LYRM4: variants seen among roughly 807,000 people sequenced by gnomAD.
The protein encoded by LYRM4 is LYR motif containing 4, also known as LYR motif-containing protein 4.
Under a neutral mutation model 11.7 loss-of-function variants are expected in LYRM4, and 9 were observed. The observed-to-expected ratio is 0.77, with a 90% CI of 0.46 to 1.34. The LOEUF (loss-of-function observed/expected upper bound fraction) is 1.34, where lower values mean the gene tolerates loss of function less well. Among genes scored for constraint, LYRM4 ranks in the 40% most tolerant of loss-of-function variants. The pLI is 0.00. For synonymous variants in LYRM4, 42 were observed against 40.4 expected (o/e 1.04, Z -0.15); for missense variants, 133 against 112.5 (o/e 1.18, Z -0.82).
At chr6:5,100,289 TC>T (rs1762459911), downstream of LYRM4, among the ~76,000 whole-genome samples, 1 of 152,148 alleles carries the variant, frequency 6.6e-6, no homozygotes, top group Non-Finnish European at 1.5e-5. Flanking sequence ...ATGGGGCCTC[TC>T]CAGGGCCTGG....
intron 2 of LYRM4, among the ~76,000 whole-genome samples, chr6:5,192,980 C>T (rs769441302): frequency 7.9e-5 from 12 of 152,230 alleles, no homozygotes; most frequent in Middle Eastern, 3.4e-3. Context: ...GCCAAGATCA[C>T]GCCACTGTAC....
At chr6:5,155,518 T>C (rs1758360173) in intron 2 of LYRM4, among the ~76,000 whole-genome samples, 1 of 152,224 alleles carries the variant, frequency 6.6e-6, no homozygotes, top group Admixed American at 6.5e-5. Flanking sequence ...CTTTCCATCA[T>C]TTTTCAGTAA....
At chr6:5,224,987 G>A (rs1762792140) in intron 1 of LYRM4, among the ~76,000 whole-genome samples, 1 of 151,406 alleles carries the variant, frequency 6.6e-6, no homozygotes, top group Non-Finnish European at 1.5e-5. Context: ...CATGGCTCAG[G>A]CCTATAATCC....
At chr6:5,072,846 T>C in the LYRM4 span, among the ~76,000 whole-genome samples, 1 of 152,138 alleles carries the variant, frequency 6.6e-6, no homozygotes, top group Non-Finnish European at 1.5e-5. Flanking sequence ...GATGAAGACT[T>C]CTTTTAGAAA....
chr6:5,139,424 G>A (rs1250614402), intron 2 of LYRM4, among the ~76,000 whole-genome samples: 1 of 152,224 alleles, frequency 6.6e-6, no homozygotes, highest in Non-Finnish European at 1.5e-5. Context: ...ACTGGAGTAG[G>A]ACAATGAGGA....
intron 2 of LYRM4, among the ~76,000 whole-genome samples, chr6:5,123,219 T>C (rs378359): frequency 0.94 from 142,346 of 152,212 alleles, 66,670 homozygotes; most frequent in East Asian, 1. Context: ...TGACCCTCGC[T>C]CAGCACACAC....
intron 2 of LYRM4, among the ~76,000 whole-genome samples, chr6:5,111,644 G>A (rs1179275211): frequency 1.3e-5 from 2 of 152,198 alleles, no homozygotes; most frequent in Non-Finnish European, 2.9e-5. Context: ...CATCTGGGAC[G>A]CCTCTAATGA....
intron 1 of LYRM4, among the ~76,000 whole-genome samples, chr6:5,247,205 C>T (rs1561900578): frequency 6.6e-6 from 1 of 152,194 alleles, no homozygotes; most frequent in Non-Finnish European, 1.5e-5. Context: ...CAAAAGCATG[C>T]TATGCTCACT....
the LYRM4 span, among the ~76,000 whole-genome samples, chr6:5,038,883 GGAGAGAGA>G: frequency 7.8e-3 from 63 of 8,034 alleles, 1 homozygote; most frequent in African/African-American, 0.021. Context: ...GACCGTGGAG[GGAGAGAGA>G]GGGAGAGGGA....
intron 1 of LYRM4, among the ~76,000 whole-genome samples, chr6:5,241,964 T>C (rs1240558185): frequency 6.6e-6 from 1 of 151,712 alleles, no homozygotes; most frequent in Non-Finnish European, 1.5e-5. Flanking sequence ...AATAAGAAAC[T>C]CCCAAACACT....
Position 5,260,770 on chromosome 6 carries a change from C to T in LYRM4, c.-37G>A, listed in dbSNP as rs1459161757. On this transcript the variant is annotated 5_prime_UTR_variant, in exon 1 of 3. Coordinates refer to ENST00000330636, the MANE Select transcript of LYRM4 (RefSeq NM_020408.6). ...AAAAAAATAAACGGGTCCTCTTCGC[C>T]GAGGTCCCAAGTACGACCCAACCCA... 2.0e-6 allele frequency: 3 copies of T among 1,537,856 alleles called. No individual in the cohort carries two copies. In the South Asian group the frequency reaches 3.6e-5, roughly 18 times the overall value.
the LYRM4 span, chr6:5,085,915 A>G: frequency 5.2e-6 from 8 of 1,530,266 alleles, no homozygotes; most frequent in Non-Finnish European, 7.0e-6. Context: ...AAGCCTGGCC[A>G]GCGTGAAGCA....
chr6:5,071,038 A>C, the LYRM4 span, among the ~76,000 whole-genome samples: 1 of 151,958 alleles, frequency 6.6e-6, no homozygotes, highest in South Asian at 2.1e-4. Flanking sequence ...CAATACAAAA[A>C]TTACCTGGGC....
intron 2 of LYRM4, chr6:5,113,401 G>A (rs2127595522): frequency 2.4e-6 from 1 of 408,186 alleles, no homozygotes; most frequent in African/African-American, 2.1e-5. Context: ...CTGGGTGACA[G>A]AGCGAGATTC....
At chr6:5,193,948 C>G (rs1350616029) in intron 2 of LYRM4, among the ~76,000 whole-genome samples, 1 of 151,748 alleles carries the variant, frequency 6.6e-6, no homozygotes, top group Non-Finnish European at 1.5e-5. Flanking sequence ...TTAATTTCAG[C>G]TGCTTTAAAA....
chr6:5,102,853 C>G (rs1762545729), downstream of LYRM4: 2 of 152,244 alleles, frequency 1.3e-5, no homozygotes, highest in East Asian at 3.8e-4. Context: ...CAGCACGACA[C>G]TGACTTCGCT....
At chr6:5,214,729 T>C (rs749610108) in intron 2 of LYRM4, among the ~76,000 whole-genome samples, 3 of 152,232 alleles carry the variant, frequency 2.0e-5, no homozygotes, top group Non-Finnish European at 2.9e-5. Flanking sequence ...GGGGAGCCAC[T>C]GTGCCTTACG....
chr6:5,226,108 G>T (rs1481562905), intron 1 of LYRM4, among the ~76,000 whole-genome samples: 1 of 152,064 alleles, frequency 6.6e-6, no homozygotes, highest in Non-Finnish European at 1.5e-5. Flanking sequence ...CTATGTTTAT[G>T]GTGCTTTTTA....
intron 2 of LYRM4, among the ~76,000 whole-genome samples, chr6:5,204,172 C>T (rs1761555800): frequency 6.6e-6 from 1 of 152,184 alleles, no homozygotes; most frequent in Admixed American, 6.5e-5. Flanking sequence ...GGGCCTGTGC[C>T]TTCATGCCTT....
Sources: gnomAD v4.1 joint callset for allele counts (sites outside exome capture counted in the v4.1 genomes callset) on GRCh38, gnomAD v4.1.1 for gene constraint, MANE v1.5 for transcripts, NCBI Gene and HGNC (gene_info 2026-07-23, HGNC 2026-07-21) for gene names.